Variants in MARCHF1 observed in about 807,000 individuals in gnomAD.
The protein encoded by MARCHF1 is membrane associated ring-CH-type finger 1, also known as E3 ubiquitin-protein ligase MARCHF1.
A neutral mutation model predicts 54.2 loss-of-function variants in MARCHF1; 40 were observed. That is an observed-to-expected ratio of 0.74 (90% CI 0.57 to 0.96). The LOEUF is 0.96. Among genes scored for constraint, MARCHF1 ranks in the 40% least tolerant of loss-of-function variants. The pLI, the probability that MARCHF1 is intolerant of heterozygous loss-of-function variation, is 0.00. For missense variants in MARCHF1, 586 were observed against 656.5 expected (o/e 0.89, Z 1.17); for synonymous variants, 236 against 236.3 (o/e 1.00, Z 0.01).
Position 163,957,211 on chromosome 4 carries a change from A to T in MARCHF1, c.-39+31290T>A, listed in dbSNP as rs867052504. 8.5e-5 allele frequency among the ~76,000 whole-genome samples: 13 copies of T among 152,188 alleles called. No homozygotes were observed. The South Asian group carries it at 2.5e-3, about 29-fold the overall frequency. ...ATTAAACTGTGATACTACATTCTAA[A>T]TCATGCATTAAATTTTACCATCATT... is the stretch of plus-strand genomic sequence containing the variant. On this transcript the variant is annotated intron_variant, in intron 3 of 9. Transcript: ENST00000514618.
intron 1 of MARCHF1, among the ~76,000 whole-genome samples, chr4:164,198,349 C>G (rs541238639): frequency 3.3e-5 from 5 of 152,040 alleles, no homozygotes; most frequent in African/African-American, 4.8e-5. Context: ...GGTTTAGATA[C>G]GGCAAGTGGT....
At chr4:163,932,913 G>C (rs765446579) in intron 3 of MARCHF1, 6 of 639,546 alleles carry the variant, frequency 9.4e-6, no homozygotes, top group Non-Finnish European at 1.8e-5. Context: ...TGCTGAAGCT[G>C]CATGTGGTAA....
intron 3 of MARCHF1, among the ~76,000 whole-genome samples, chr4:163,883,053 A>G (rs569287452): frequency 2.6e-5 from 4 of 152,268 alleles, no homozygotes; most frequent in East Asian, 3.9e-4. Context: ...CCTAGGAGAC[A>G]GGTTTGCAGA....
At chr4:164,110,320 A>AT (rs1560909365) in intron 2 of MARCHF1, among the ~76,000 whole-genome samples, 1 of 151,786 alleles carries the variant, frequency 6.6e-6, no homozygotes, top group African/African-American at 2.4e-5. Context: ...TAAGATAATT[A>AT]TTTTTTGTAA....
intron 4 of MARCHF1, among the ~76,000 whole-genome samples, chr4:163,735,773 G>T (rs1746017457): frequency 6.6e-6 from 1 of 152,056 alleles, no homozygotes; most frequent in African/African-American, 2.4e-5. Flanking sequence ...TATTATACTG[G>T]AACACTCATT....
intron 1 of MARCHF1, among the ~76,000 whole-genome samples, chr4:164,245,524 C>G (rs79625427): frequency 0.8 from 113,910 of 142,650 alleles, 45,580 homozygotes; most frequent in South Asian, 0.87. Flanking sequence ...GAAGCATTCC[C>G]TTTGAAAACT....
intron 4 of MARCHF1, among the ~76,000 whole-genome samples, chr4:163,790,293 G>A (rs535947162): frequency 1.1e-4 from 17 of 152,050 alleles, no homozygotes; most frequent in African/African-American, 2.4e-4. Context: ...TGTTATTTAC[G>A]AAATCAAATG....
chr4:163,773,214 C>A (rs1006735187), intron 4 of MARCHF1, among the ~76,000 whole-genome samples: 9 of 152,074 alleles, frequency 5.9e-5, no homozygotes, highest in African/African-American at 2.2e-4. Flanking sequence ...CTAGAAGTTA[C>A]CTGACAGAAA....
intron 5 of MARCHF1, among the ~76,000 whole-genome samples, chr4:163,684,004 C>T (rs952087254): frequency 3.3e-5 from 5 of 152,152 alleles, no homozygotes; most frequent in African/African-American, 9.7e-5. Flanking sequence ...CTCTGGAAAC[C>T]GTGTGATTTC....
intron 1 of MARCHF1, among the ~76,000 whole-genome samples, chr4:164,211,397 C>CACAT (rs2044931705): frequency 6.8e-6 from 1 of 146,160 alleles, no homozygotes; most frequent in Admixed American, 6.9e-5. Flanking sequence ...TACACACACA[C>CACAT]ATATATATAT....
chr4:163,868,418 G>A (rs1423115632), intron 3 of MARCHF1, among the ~76,000 whole-genome samples: 1 of 151,854 alleles, frequency 6.6e-6, no homozygotes, highest in Non-Finnish European at 1.5e-5. Context: ...CAAACAAAAT[G>A]TTGGCACCAA....
At chr4:163,625,740 T>C (rs547039872) in intron 5 of MARCHF1, among the ~76,000 whole-genome samples, 109 of 152,346 alleles carry the variant, frequency 7.2e-4, no homozygotes, top group African/African-American at 2.4e-3. Flanking sequence ...AAACGGAAGT[T>C]GTATCTTCTG....
intron 5 of MARCHF1, among the ~76,000 whole-genome samples, chr4:163,633,729 T>C (rs1416071165): frequency 6.6e-6 from 1 of 152,052 alleles, no homozygotes; most frequent in Non-Finnish European, 1.5e-5. Context: ...ACATTCAGAT[T>C]CAGGAAATAC....
At chr4:164,236,340 G>A (rs1347807376) in intron 1 of MARCHF1, among the ~76,000 whole-genome samples, 1 of 151,964 alleles carries the variant, frequency 6.6e-6, no homozygotes, top group Non-Finnish European at 1.5e-5. Flanking sequence ...AAAATATGCT[G>A]CTGACTGATT....
intron 1 of MARCHF1, among the ~76,000 whole-genome samples, chr4:164,328,936 CCA>C (rs1313120488): frequency 6.6e-6 from 1 of 152,186 alleles, no homozygotes; most frequent in East Asian, 1.9e-4. Flanking sequence ...AGCATTCCCA[CCA>C]CAGAATAAAC....
At chr4:164,154,592 G>C (rs975961807) in intron 1 of MARCHF1, among the ~76,000 whole-genome samples, 1 of 152,182 alleles carries the variant, frequency 6.6e-6, no homozygotes, top group African/African-American at 2.4e-5. Flanking sequence ...CTTACGGGAC[G>C]GGAAGCACGC....
chr4:163,768,854 G>A (rs569924503), intron 4 of MARCHF1, among the ~76,000 whole-genome samples: 1 of 152,222 alleles, frequency 6.6e-6, no homozygotes, highest in Non-Finnish European at 1.5e-5. Flanking sequence ...TAGGGGGATA[G>A]GATTAAATTT....
intron 4 of MARCHF1, among the ~76,000 whole-genome samples, chr4:163,822,052 G>C (rs1748707502): frequency 6.6e-6 from 1 of 151,830 alleles, no homozygotes; most frequent in African/African-American, 2.4e-5. Context: ...GTTAAGTTTT[G>C]CCAAAACTTT....
intron 2 of MARCHF1, among the ~76,000 whole-genome samples, chr4:164,029,909 T>G (rs1253770659): frequency 6.6e-6 from 1 of 152,220 alleles, no homozygotes; most frequent in East Asian, 1.9e-4. Flanking sequence ...ATTTTAGCCT[T>G]TTAAACTTTG....
Sources: gnomAD v4.1 joint callset for allele counts (sites outside exome capture counted in the v4.1 genomes callset) on GRCh38, gnomAD v4.1.1 for gene constraint, MANE v1.5 for transcripts, NCBI Gene and HGNC (gene_info 2026-07-23, HGNC 2026-07-21) for gene names.